SMCHD1: variants seen among roughly 807,000 people sequenced by gnomAD.
The protein encoded by SMCHD1 is structural maintenance of chromosomes flexible hinge domain-containing protein 1.
A neutral mutation model predicts 254.7 loss-of-function variants in SMCHD1; 78 were observed. The ratio of observed to expected loss-of-function variants is 0.31; its 90% CI spans 0.26 to 0.37. The LOEUF is 0.37. SMCHD1 is among the 10% of genes least tolerant of loss of function. SMCHD1 has a pLI of 1.00. For synonymous variants in SMCHD1, 766 were observed against 794.9 expected (o/e 0.96, Z 0.61); for missense variants, 1,840 against 2,408.1 (o/e 0.76, Z 4.94).
intron 28 of SMCHD1, 56 bp downstream of exon 28, chr18:2,740,877 CAA>C (rs2143549020): frequency 1.0e-6 from 1 of 992,578 alleles, no homozygotes; most frequent in African/African-American, 1.7e-5. Context: ...ATATGTGTAA[CAA>C]AAAGTTTGGG....
intron 5 of SMCHD1, among the ~76,000 whole-genome samples, chr18:2,687,728 GT>G (rs2074084156): frequency 6.6e-6 from 1 of 152,052 alleles, no homozygotes; most frequent in African/African-American, 2.4e-5. Context: ...GATATTTTCA[GT>G]TTTCTTTTCT....
intron 1 of SMCHD1, among the ~76,000 whole-genome samples, chr18:2,659,253 G>T (rs902117700): frequency 6.6e-6 from 1 of 152,160 alleles, no homozygotes; most frequent in Non-Finnish European, 1.5e-5. Context: ...GAGTAGCTGG[G>T]ATTACAGGTG....
intron 45 of SMCHD1, chr18:2,784,888 T>G (rs1181906002): frequency 6.1e-6 from 3 of 493,088 alleles, no homozygotes; most frequent in Non-Finnish European, 1.2e-5. Flanking sequence ...AAGACAAGAG[T>G]GTCGCTTGAG....
At chr18:2,771,423 T>G (rs1312028591) in intron 39 of SMCHD1, 110 bp from the exon 40 acceptor site, 2 of 755,580 alleles carry the variant, frequency 2.6e-6, no homozygotes, top group South Asian at 4.0e-5. Flanking sequence ...GTTTTCATTT[T>G]AGCAACAGAC....
chr18:2,674,113 G>T lies in SMCHD1; in HGVS notation c.606G>T (p.Leu202Phe), dbSNP rs2143845898. 1 of 1,597,872 alleles carries T rather than the reference G, an allele frequency of 6.3e-7. No homozygotes were observed. Among genetic ancestry groups the T allele is most frequent in the East Asian group, 2.2e-5 (1 of 44,574 alleles). ...KQLNNWAVYR[L>F]SKFTRQGDFE... is the part of the protein sequence containing the mutation. ...TTAACAACTGGGCCGTGTATAGGTT[G>T]TCAAAATTCACAAGGCAAGGTGACT... The change falls in exon 5 of 48, where the codon TTG (leucine) becomes TTT (phenylalanine). Residue 202 changes from leucine to phenylalanine, a missense_variant. Physicochemically the swap from Leu to Phe is conservative, Grantham distance 22 (BLOSUM62 0). This residue lies in a region of SMCHD1 where 498 missense variants were observed against 743.5 expected (regional missense o/e 0.67). Transcript: ENST00000320876.
Position 2,708,907 on chromosome 18 carries a change from T to TATTTATATATATATAA in SMCHD1, c.2260+988_2260+989insTTTATATATATATAAA, listed in dbSNP as rs769432583. 8.9e-5 allele frequency among the ~76,000 whole-genome samples: 4 copies of TATTTATATATATATAA among 44,706 alleles called. 1 individual carries two copies. Among genetic ancestry groups the TATTTATATATATATAA allele is most frequent in the East Asian group, 2.3e-3 (2 of 864 alleles). 29.3% of individuals were successfully genotyped at this position (44,706 alleles called of 152,430 possible). On this transcript the variant is annotated intron_variant, in intron 17 of 47. Coordinates refer to ENST00000320876, the MANE Select transcript of SMCHD1 (RefSeq NM_015295.3). ...ATATATATATATATATATATATATA[T>TATTTATATATATATAA]AACATATTAACATGAAATTTATGAA...
chr18:2,786,889 A>G (rs746618804), intron 45 of SMCHD1, among the ~76,000 whole-genome samples: 51 of 152,172 alleles, frequency 3.4e-4, no homozygotes, highest in Non-Finnish European at 2.9e-4. Context: ...GTTCAACACT[A>G]TGCATGTAGT....
In SMCHD1 at chr18:2,784,224, G is replaced by A. The variant is rs75438258; in HGVS notation, c.5548-226G>A. 3.9e-3 allele frequency among the ~76,000 whole-genome samples: 587 copies of A among 152,124 alleles called. 5 individuals are homozygous for A. Among genetic ancestry groups the A allele is most frequent in the East Asian group, 0.03 (153 of 5,178 alleles). On this transcript the variant is annotated intron_variant, in intron 44 of 47. Transcript: ENST00000320876. ...TCCATCATTTACTTTTTTCACTTGC[G>A]TTGTCACTGTTCTAGTTTAGGCTGA...
intron 35 of SMCHD1, among the ~76,000 whole-genome samples, chr18:2,761,614 C>A (rs2143688207): frequency 6.6e-6 from 1 of 152,194 alleles, no homozygotes; most frequent in Admixed American, 6.5e-5. Flanking sequence ...GTCAAGAGTT[C>A]AAGACCAGCC....
At chr18:2,679,344 C>T (rs1344183347) in intron 5 of SMCHD1, among the ~76,000 whole-genome samples, 5 of 150,022 alleles carry the variant, frequency 3.3e-5, no homozygotes, top group East Asian at 4.0e-4. Context: ...GGCGTGGTGG[C>T]GGGCACCCAT....
intron 8 of SMCHD1, among the ~76,000 whole-genome samples, chr18:2,695,726 T>C (rs998006291): frequency 1.3e-5 from 2 of 149,654 alleles, no homozygotes; most frequent in Non-Finnish European, 3.0e-5. Context: ...AAAATTCATA[T>C]TTTAAAAATG....
intron 10 of SMCHD1, among the ~76,000 whole-genome samples, chr18:2,699,735 A>G (rs2034876951): frequency 6.6e-6 from 1 of 152,226 alleles, no homozygotes. Context: ...AAGAAGAGCA[A>G]GTAAGTTGAG....
At chr18:2,795,925 C>A (rs768482438) in intron 45 of SMCHD1, 24 bp from the exon 46 acceptor site, 7 of 1,545,104 alleles carry the variant, frequency 4.5e-6, no homozygotes, top group East Asian at 2.3e-5. Flanking sequence ...GTAATTTAAT[C>A]AAATGCATTT....
At chr18:2,732,641 C>T in intron 25 of SMCHD1, 149 bp downstream of exon 25, 1 of 566,544 alleles carries the variant, frequency 1.8e-6, no homozygotes, top group South Asian at 2.4e-5. Flanking sequence ...GCAGAATAAG[C>T]TTTTTTCATG....
chr18:2,773,102 T>C (rs1335662007), intron 41 of SMCHD1, among the ~76,000 whole-genome samples: 1 of 152,216 alleles, frequency 6.6e-6, no homozygotes, highest in East Asian at 1.9e-4. Flanking sequence ...TTCACAAATA[T>C]ACTGTCCACT....
chr18:2,712,231 C>CTTTTTTTTTTTTTT (rs35669047), intron 17 of SMCHD1, among the ~76,000 whole-genome samples: 1 of 142,140 alleles, frequency 7.0e-6, no homozygotes, highest in Non-Finnish European at 1.5e-5. Context: ...TTTCTTTTTC[C>CTTTTTTTTTTTTTT]TTTTTTTTTT....
intron 25 of SMCHD1, among the ~76,000 whole-genome samples, chr18:2,733,336 G>C (rs1305322631): frequency 1.3e-5 from 2 of 152,154 alleles, no homozygotes; most frequent in Non-Finnish European, 2.9e-5. Flanking sequence ...TAATAAAATA[G>C]TGGCAAAAAC....
intron 25 of SMCHD1, among the ~76,000 whole-genome samples, chr18:2,735,393 G>A (rs1193198159): frequency 1.3e-5 from 2 of 152,092 alleles, no homozygotes; most frequent in African/African-American, 4.8e-5. Context: ...AAGGATGCCT[G>A]CTCTCACCAA....
chr18:2,797,496 C>T (rs2076283441), intron 47 of SMCHD1, among the ~76,000 whole-genome samples: 1 of 152,186 alleles, frequency 6.6e-6, no homozygotes, highest in Non-Finnish European at 1.5e-5. Flanking sequence ...TCTGCGTATT[C>T]TACATTTATT....
Sources: allele counts gnomAD v4.1 joint callset (sites outside exome capture counted in the v4.1 genomes callset), GRCh38; gene constraint gnomAD v4.1.1; regional missense constraint gnomAD v4.1.1; transcripts MANE v1.5; gene names NCBI Gene and HGNC (gene_info 2026-07-23, HGNC 2026-07-21).